Variants in ORC3 observed in about 807,000 individuals in gnomAD.
ORC3 encodes origin recognition complex subunit 3, also known as homolog of latheo, Drosophila.
A neutral mutation model predicts 100.7 loss-of-function variants in ORC3; 78 were observed. The observed-to-expected ratio is 0.77, with a 90% CI of 0.65 to 0.94. ORC3 has a LOEUF of 0.94. Among genes scored for constraint, ORC3 ranks in the 40% least tolerant of loss-of-function variants. The pLI, the probability that ORC3 is intolerant of heterozygous loss-of-function variation, is 0.00. For missense variants in ORC3, 789 were observed against 823.9 expected, an observed-to-expected ratio of 0.96 and a Z score of 0.52; for synonymous variants, 295 against 289.3, an observed-to-expected ratio of 1.02 and a Z score of -0.20.
chr6:87,671,172 G>T (rs1274323349), downstream of ORC3, among the ~76,000 whole-genome samples: 2 of 152,120 alleles, frequency 1.3e-5, no homozygotes, highest in Non-Finnish European at 1.5e-5. Context: ...GGATCAGTCT[G>T]GTTGCTATGA....
chr6:87,601,923 T>C (rs1238966897), intron 3 of ORC3, 42 bp downstream of exon 3: 2 of 1,097,206 alleles, frequency 1.8e-6, no homozygotes, highest in African/African-American at 1.5e-5. Flanking sequence ...ACCCTAAGTC[T>C]CATTTTTGTT....
At chr6:87,617,227 C>G (rs950551758) in intron 9 of ORC3, among the ~76,000 whole-genome samples, 1 of 151,756 alleles carries the variant, frequency 6.6e-6, no homozygotes, top group African/African-American at 2.4e-5. Flanking sequence ...GTGTGTGTGT[C>G]TCTGTAATTT....
At chr6:87,637,170 G>T (rs1439706382) in intron 13 of ORC3, among the ~76,000 whole-genome samples, 3 of 152,124 alleles carry the variant, frequency 2.0e-5, no homozygotes, top group African/African-American at 2.4e-5. Flanking sequence ...TTCCTCAGAG[G>T]TTGTAAATGC....
chr6:87,653,056 TG>T, intron 13 of ORC3, 59 bp from the exon 14 acceptor site: 1 of 1,320,600 alleles, frequency 7.6e-7, no homozygotes, highest in East Asian at 2.3e-5. Flanking sequence ...TTAAATAAAA[TG>T]TTTTTTAAGT....
At chr6:87,652,657 A>G (rs1191959719) in intron 13 of ORC3, among the ~76,000 whole-genome samples, 2 of 152,216 alleles carry the variant, frequency 1.3e-5, no homozygotes, top group African/African-American at 4.8e-5. Context: ...CTTATTTCAT[A>G]TGTACGTTTA....
At chr6:87,609,069 CTCTT>C (rs1778550449) in intron 6 of ORC3, 23 bp from the exon 7 acceptor site, 14 of 1,573,804 alleles carry the variant, frequency 8.9e-6, no homozygotes, top group African/African-American at 1.4e-5. Context: ...TTACCTTTAA[CTCTT>C]TCTTTCTGCA....
In ORC3 at chr6:87,590,135, G is replaced by T. The variant is rs777478399; in HGVS notation, c.-34G>T. 2.4e-5 allele frequency: 39 copies of T among 1,613,822 alleles called. No homozygotes were observed. In the East Asian group the frequency reaches 8.2e-4, roughly 34 times the overall value. The stretch of plus-strand genomic sequence containing the variant: ...GCCGCGAGGGCGCGCGGGAAATCCC[G>T]AGTGCATCTGGAATACGCAGAGTCA... On this transcript the variant is annotated 5_prime_UTR_variant, in exon 1 of 20. Transcript: ENST00000392844.
At position 87,659,473 on chromosome 6, in the gene ORC3, C is replaced by G. The variant is rs575051534; in HGVS notation, c.1691+1455C>G. Among the ~76,000 whole-genome samples the G allele has an allele frequency of 2.6e-5, 4 of 152,188 alleles. No homozygotes were observed. In the East Asian group the frequency reaches 7.7e-4, roughly 29 times the overall value. ...TTAAAGAGAAAGAGTGCTTTTCTGA[C>G]AAATTACATGTCTTTTCTGAAAGTG... On this transcript the variant is annotated intron_variant, in intron 16 of 19. Coordinates refer to ENST00000392844, the MANE Select transcript of ORC3 (RefSeq NM_012381.4).
At chr6:87,644,248 A>C (rs534749529) in intron 13 of ORC3, among the ~76,000 whole-genome samples, 305 of 148,790 alleles carry the variant, frequency 2.0e-3, no homozygotes, top group Non-Finnish European at 3.9e-3. Context: ...GCCCGCCACT[A>C]CGCCCGGCTA....
chr6:87,649,121 C>T (rs1287964968), intron 13 of ORC3, among the ~76,000 whole-genome samples: 1 of 152,156 alleles, frequency 6.6e-6, no homozygotes, highest in African/African-American at 2.4e-5. Context: ...ACCGTACTTA[C>T]ATTTTTATTC....
chr6:87,664,686 A>G, intron 17 of ORC3, 57 bp from the exon 18 acceptor site: 1 of 1,408,272 alleles, frequency 7.1e-7, no homozygotes, highest in African/African-American at 1.4e-5. Flanking sequence ...TTAATGTCTG[A>G]TTTTATTCCT....
chr6:87,634,855 A>G lies in ORC3; in HGVS notation c.1196A>G (p.Gln399Arg). Reference protein sequence around the residue: ...TNERYLKEETQLLLENLHVYH... With the variant: ...TNERYLKEETRLLLENLHVYH... Reference sequence around the variant, plus strand: ...TTCTGTGATTTTTAGGAGGAAACACAATTATTACTAGAAAACCTGCATGTT... The same window carrying G: ...TTCTGTGATTTTTAGGAGGAAACACGATTATTACTAGAAAACCTGCATGTT... The change falls in exon 12 of 20, where the codon CAA becomes CGA. Residue 399 changes from glutamine (Q) to arginine (R), a missense_variant. Transcript: ENST00000392844. The G allele has an allele frequency of 6.6e-7, 1 of 1,517,834 alleles. No homozygotes were observed. The highest frequency in any genetic ancestry group is 9.1e-7 in the Non-Finnish European group (1 of 1,093,232). 94.0% of individuals were successfully genotyped at this position (1,517,834 alleles called of 1,614,324 possible). A position where few individuals can be genotyped will look rare whatever the true frequency, so the allele number is the denominator to read the frequency against.
intron 12 of ORC3, among the ~76,000 whole-genome samples, chr6:87,635,676 A>T (rs138050267): frequency 6.6e-6 from 1 of 152,120 alleles, no homozygotes; most frequent in African/African-American, 2.4e-5. Flanking sequence ...ACACACCTGT[A>T]GTCCCAGCTA....
Position 87,657,978 on chromosome 6 carries a change from C to G in ORC3, c.1651C>G (p.Leu551Val). ...RSKKQTKFEV[L>V]RENVVNFIDC... ...TAAGAAGCAAACCAAATTTGAAGTA[C>G]TCAGAGAAAATGTTGTGAACTTCAT... Residue 551 changes from leucine (L) to valine (V), a missense_variant, in exon 16 of 20, where the codon CTC becomes GTC. Leu to Val is a conservative substitution (Grantham distance 32). Around this residue, in one of 3 missense-constraint regions of ORC3, gnomAD observed 366 missense variants for 394.2 expected, o/e 0.93. Transcript: ENST00000392844. 2 of 1,605,604 alleles carry G rather than the reference C, an allele frequency of 1.2e-6. No homozygotes were observed. Among genetic ancestry groups the G allele is most frequent in the Non-Finnish European group, 1.7e-6 (2 of 1,172,618 alleles).
intron 1 of ORC3, among the ~76,000 whole-genome samples, chr6:87,592,093 C>A (rs543532392): frequency 3.9e-4 from 60 of 152,296 alleles, no homozygotes; most frequent in South Asian, 2.1e-3. Flanking sequence ...TGTTGGCCTT[C>A]CTCTATCTCA....
At chr6:87,644,794 A>T (rs1396083795) in intron 13 of ORC3, among the ~76,000 whole-genome samples, 1 of 152,070 alleles carries the variant, frequency 6.6e-6, no homozygotes, top group Non-Finnish European at 1.5e-5. Context: ...GGTTGCAGTG[A>T]GTTGAGATTG....
chr6:87,647,340 G>T (rs1768879339), intron 13 of ORC3, among the ~76,000 whole-genome samples: 2 of 151,952 alleles, frequency 1.3e-5, no homozygotes, highest in African/African-American at 4.8e-5. Flanking sequence ...GAATATTCCA[G>T]ATATGCCCAC....
chr6:87,655,499 G>A (rs1026206177), intron 14 of ORC3, among the ~76,000 whole-genome samples: 11 of 151,626 alleles, frequency 7.3e-5, no homozygotes, highest in African/African-American at 1.2e-4. Context: ...CTACAGGCAC[G>A]TCCCACCACA....
downstream of ORC3, among the ~76,000 whole-genome samples, chr6:87,672,215 G>T (rs1770849045): frequency 6.6e-6 from 1 of 151,490 alleles, no homozygotes; most frequent in African/African-American, 2.4e-5. Flanking sequence ...ACAAGTTGGT[G>T]AAAAAAAAGG....
Sources: gnomAD v4.1 joint callset for allele counts (sites outside exome capture counted in the v4.1 genomes callset) on GRCh38, gnomAD v4.1.1 for gene constraint, gnomAD v4.1.1 regional missense constraint, MANE v1.5 for transcripts, NCBI Gene and HGNC (gene_info 2026-07-23, HGNC 2026-07-21) for gene names.